The following MIDEAS variants were observed in gnomAD, a reference collection of about 807,000 sequenced individuals.
The protein encoded by MIDEAS is mitotic deacetylase-associated SANT domain protein.
A neutral mutation model predicts 102.7 loss-of-function variants in MIDEAS; 26 were observed. That is an observed-to-expected ratio of 0.25 (90% confidence interval 0.19 to 0.35). The LOEUF (loss-of-function observed/expected upper bound fraction) is 0.35, where lower values mean the gene tolerates loss of function less well. MIDEAS is among the 10% of genes least tolerant of loss of function. MIDEAS has a pLI of 1.00. For missense variants in MIDEAS, 1,231 were observed against 1,435.6 expected (o/e 0.86, Z 2.30); for synonymous variants, 585 against 591.0 (o/e 0.99, Z 0.15).
At chr14:73,774,674 C>T (rs1048809079) in intron 1 of MIDEAS, among the ~76,000 whole-genome samples, 1 of 151,890 alleles carries the variant, frequency 6.6e-6, no homozygotes, top group African/African-American at 2.4e-5. Context: ...GTTTTATACC[C>T]CCAAATCCCC....
intron 11 of MIDEAS, among the ~76,000 whole-genome samples, chr14:73,720,777 G>C (rs570302494): frequency 6.6e-6 from 1 of 152,188 alleles, no homozygotes; most frequent in African/African-American, 2.4e-5. Flanking sequence ...CTGCAGAGTA[G>C]AGGTTAACTC....
In MIDEAS at chr14:73,786,397, G is replaced by GTT. The variant is rs370428279; in HGVS notation, c.-248+703_-248+704dup. Among the ~76,000 whole-genome samples, 52 of 152,336 alleles carry GTT rather than the reference G, an allele frequency of 3.4e-4. 1 individual carries two copies. The East Asian group carries it at 0.01, about 29-fold the overall frequency. Reference sequence around the variant, plus strand: ...GAGTCCGCTGGAAGCGGGTTTCTGAGTTTTATATAGAAAACACTCACATAT... The same window carrying GTT: ...GAGTCCGCTGGAAGCGGGTTTCTGAGTTTTTTATATAGAAAACACTCACATAT... On this transcript the variant is annotated intron_variant, in intron 1 of 11. Coordinates refer to the MIDEAS transcript ENST00000394071.
chr14:73,729,881 G>A lies in MIDEAS; in HGVS notation c.1854C>T (p.Phe618=). The A allele has an allele frequency of 6.2e-7, 1 of 1,613,682 alleles. No individual in the cohort carries two copies. Among genetic ancestry groups the A allele is most frequent in the Non-Finnish European group, 8.5e-7 (1 of 1,179,768 alleles). ...PLIIPTKAGT[F]IAPPVYSNIT... ...TGTTGGAGTAGACGGGAGGGGCGAT[G>A]AAAGTGCCCGCCTTGGTGGGGATGA... The change falls in exon 4 of 13, where the codon TTC becomes TTT. Residue 618 remains phenylalanine (F), a synonymous_variant. Coordinates refer to ENST00000423556, the MANE Select transcript of MIDEAS (RefSeq NM_001367710.1).
At chr14:73,735,290 T>C (rs1595264293) in intron 3 of MIDEAS, among the ~76,000 whole-genome samples, 1 of 152,212 alleles carries the variant, frequency 6.6e-6, no homozygotes, top group African/African-American at 2.4e-5. Context: ...TTTGAGGTAA[T>C]GGGTATGTTA....
chr14:73,780,645 A>G (rs1447102799), intron 1 of MIDEAS, among the ~76,000 whole-genome samples: 1 of 152,212 alleles, frequency 6.6e-6, no homozygotes, highest in East Asian at 1.9e-4. Flanking sequence ...TTGGCCCTGC[A>G]TTAACTGGCT....
rs756012048 is a variant in MIDEAS, at chr14:73,739,499, C to T, written c.510G>A (p.Ala170=). 8.1e-6 allele frequency: 13 copies of T among 1,612,842 alleles called. No homozygotes were observed. Among genetic ancestry groups the T allele is most frequent in the African/African-American group, 1.3e-5 (1 of 74,928 alleles). Residue 170 remains alanine, a synonymous_variant, in exon 2 of 13, where the codon GCG becomes GCA. Coordinates refer to ENST00000423556, the MANE Select transcript of MIDEAS (RefSeq NM_001367710.1). ...NHPEALKREK[A]GGPQLDRYVR... is the part of the protein sequence containing the mutation. The stretch of plus-strand genomic sequence containing the variant: ...CATAGCGGTCCAGCTGTGGGCCCCC[C>T]GCTTTCTCCCGCTTCAGTGCCTCAG...
At chr14:73,782,093 G>T (rs888581626) in intron 1 of MIDEAS, among the ~76,000 whole-genome samples, 3 of 152,120 alleles carry the variant, frequency 2.0e-5, no homozygotes, top group African/African-American at 7.2e-5. Flanking sequence ...AACGTTAAAA[G>T]AATCTAGCTT....
intron 1 of MIDEAS, among the ~76,000 whole-genome samples, chr14:73,767,755 A>T (rs1389195104): frequency 6.6e-6 from 1 of 152,242 alleles, no homozygotes; most frequent in Non-Finnish European, 1.5e-5. Flanking sequence ...GTAATGTGGA[A>T]CAAGCTCTGC....
rs1380725983 is a variant in MIDEAS, at chr14:73,737,111, C to T, written c.1636G>A (p.Gly546Ser). Residue 546 changes from glycine (G) to serine (S), a missense_variant, in exon 3 of 13, where the codon GGT becomes AGT. By Grantham distance (56) the Gly-to-Ser change is moderately conservative. Coordinates refer to ENST00000423556, the MANE Select transcript of MIDEAS (RefSeq NM_001367710.1). The part of the protein sequence containing the change: ...VDPTEAAQAG[G>S]LDEDGKGPEQ... ...GGACCCTTCCCGTCCTCATCAAGAC[C>T]TCCAGCCTGGGCTGCCTCAGTTGGG... 24 of 1,614,106 alleles carry T rather than the reference C, an allele frequency of 1.5e-5. No homozygotes were observed. Among genetic ancestry groups the T allele is most frequent in the Non-Finnish European group, 1.7e-5 (20 of 1,180,044 alleles).
At chr14:73,726,535 G>T in intron 7 of MIDEAS, 69 bp downstream of exon 7, 1 of 1,456,236 alleles carries the variant, frequency 6.9e-7, no homozygotes, top group South Asian at 1.2e-5. Flanking sequence ...CATAGGTCCT[G>T]AGCAGCAGAC....
In MIDEAS at chr14:73,725,679, G is replaced by A. The variant is rs1210263906; in HGVS notation, c.2486-319C>T. Among the ~76,000 whole-genome samples, 1 of 152,148 alleles carries A rather than the reference G, an allele frequency of 6.6e-6. No homozygotes were observed. Among genetic ancestry groups the A allele is most frequent in the Admixed American group, 6.5e-5 (1 of 15,286 alleles). On this transcript the variant is annotated intron_variant, in intron 8 of 12. Coordinates refer to ENST00000423556, the MANE Select transcript of MIDEAS (RefSeq NM_001367710.1). The surrounding 1 kb of genome is among the most constrained non-coding windows in gnomAD (Gnocchi z 4.1). ...ATTGGCTGTTAGGATTATGTGACTC[G>A]GTCCATGTCCTTCTTAAAGTGACCA... is the stretch of plus-strand genomic sequence containing the variant.
At chr14:73,720,703 A>T (rs968605879) in intron 11 of MIDEAS, among the ~76,000 whole-genome samples, 7 of 152,234 alleles carry the variant, frequency 4.6e-5, no homozygotes, top group African/African-American at 1.7e-4. Flanking sequence ...TGGACAGAGC[A>T]CTGCACTAGG....
At chr14:73,748,403 C>T (rs1489860562) in intron 1 of MIDEAS, among the ~76,000 whole-genome samples, 7 of 152,154 alleles carry the variant, frequency 4.6e-5, no homozygotes, top group African/African-American at 1.2e-4. Flanking sequence ...TGGTGACACA[C>T]GCCTGCAGTC....
chr14:73,752,326 C>T (rs765146516), intron 1 of MIDEAS, among the ~76,000 whole-genome samples: 3 of 152,122 alleles, frequency 2.0e-5, no homozygotes, highest in Non-Finnish European at 2.9e-5. Context: ...TCACACTTAG[C>T]ACCCCTAGAC....
At chr14:73,757,393 C>T (rs2053498402) in intron 1 of MIDEAS, among the ~76,000 whole-genome samples, 1 of 151,070 alleles carries the variant, frequency 6.6e-6, no homozygotes, top group Non-Finnish European at 1.5e-5. Flanking sequence ...CGTATACTAA[C>T]TCACAGAATC....
intron 1 of MIDEAS, among the ~76,000 whole-genome samples, chr14:73,778,063 C>A (rs1345870444): frequency 1.3e-5 from 2 of 151,832 alleles, no homozygotes. Context: ...ACCTTATAAA[C>A]CATGATAGGG....
At chr14:73,719,228 T>TCCCCCCCCCCCCACCCCCCC in intron 12 of MIDEAS, 77 bp downstream of exon 12, 1 of 645,574 alleles carries the variant, frequency 1.5e-6, no homozygotes, top group Non-Finnish European at 2.0e-6. Flanking sequence ...CTCTTCCCCC[T>TCCCCCCCCCCCCACCCCCCC]CCCCTCCACC....
intron 1 of MIDEAS, among the ~76,000 whole-genome samples, chr14:73,771,786 C>T (rs1472624293): frequency 6.6e-6 from 1 of 152,238 alleles, no homozygotes; most frequent in Non-Finnish European, 1.5e-5. Context: ...AAATTCAACA[C>T]TTCAATTAAT....
intron 5 of MIDEAS, 154 bp downstream of exon 5, chr14:73,727,304 A>T: frequency 1.3e-6 from 1 of 787,134 alleles, no homozygotes; most frequent in Admixed American, 2.4e-5. Context: ...GGGCGGGGAC[A>T]GCAAAGCCCA....
Sources: allele counts gnomAD v4.1 joint callset (sites outside exome capture counted in the v4.1 genomes callset), GRCh38; gene constraint gnomAD v4.1.1; non-coding constraint Gnocchi (gnomAD v3.1); transcripts MANE v1.5; gene names NCBI Gene and HGNC (gene_info 2026-07-23, HGNC 2026-07-21).